Variants in LRP8 observed in about 807,000 individuals in gnomAD.
The protein encoded by LRP8 is low-density lipoprotein receptor-related protein 8.
In LRP8, 46 loss-of-function variants were observed where a neutral mutation model predicts 111.6. The observed-to-expected ratio is 0.41, with a 90% CI of 0.33 to 0.53. The LOEUF (loss-of-function observed/expected upper bound fraction) is 0.53. Among genes scored for constraint, LRP8 ranks in the 20% least tolerant of loss-of-function variants. The probability of loss-of-function intolerance (pLI) is 0.20; values close to 1 mark genes in which losing one functional copy is unlikely to be tolerated. For synonymous variants in LRP8, 464 were observed against 511.2 expected, an observed-to-expected ratio of 0.91 and a Z score of 1.24; for missense variants, 959 against 1,297.4, an observed-to-expected ratio of 0.74 and a Z score of 4.01.
chr1:53,297,056 A>G (rs907896853), intron 2 of LRP8, among the ~76,000 whole-genome samples: 2 of 151,212 alleles, frequency 1.3e-5, no homozygotes, highest in Non-Finnish European at 3.0e-5. Flanking sequence ...TCTGGGGTCC[A>G]GCAGCAATGG....
At chr1:53,322,276 C>T (rs1207551383) in intron 2 of LRP8, among the ~76,000 whole-genome samples, 2 of 152,196 alleles carry the variant, frequency 1.3e-5, no homozygotes, top group Non-Finnish European at 2.9e-5. Flanking sequence ...CCAGGTGTGT[C>T]TGAGTTGTGA....
At chr1:53,320,215 G>A (rs1001198644) in intron 2 of LRP8, among the ~76,000 whole-genome samples, 4 of 152,260 alleles carry the variant, frequency 2.6e-5, no homozygotes, top group African/African-American at 9.6e-5. Flanking sequence ...GGCCCAGTGG[G>A]GCCAGTGGTG....
At chr1:53,292,236 T>A (rs1455067880) in intron 2 of LRP8, 1 of 152,250 alleles carries the variant, frequency 6.6e-6, no homozygotes, top group Non-Finnish European at 1.5e-5. Flanking sequence ...TACATCTGCA[T>A]TCTAAGATGA....
chr1:53,251,222 G>A (rs757435147), intron 16 of LRP8, among the ~76,000 whole-genome samples: 3 of 151,960 alleles, frequency 2.0e-5, no homozygotes, highest in African/African-American at 4.8e-5. Flanking sequence ...AACTCTCTAC[G>A]CCCAGTTCCT....
rs961216226 is a variant in LRP8 at position 53,245,492 on chromosome 1, C to G, written c.*1526G>C. On this transcript the variant is annotated 3_prime_UTR_variant, in exon 19 of 19. Transcript: ENST00000306052. ...AAAAGAGCACTTCTCCCTTCCTCCC[C>G]CAAGGCCAAGAAAAGCAAAGAAGAT... is the stretch of plus-strand genomic sequence containing the variant. The G allele has an allele frequency of 1.3e-5, 2 of 152,154 alleles. No individual in the cohort carries two copies. Among genetic ancestry groups the G allele is most frequent in the Non-Finnish European group, 2.9e-5 (2 of 68,030 alleles). 9.4% of individuals were successfully genotyped at this position (152,154 alleles called of 1,614,324 possible). A position where few individuals can be genotyped will look rare whatever the true frequency, so the allele number is the denominator to read the frequency against.
intron 13 of LRP8, 81 bp from the exon 14 acceptor site, chr1:53,258,552 A>C (rs1646197694): frequency 7.5e-7 from 1 of 1,340,994 alleles, no homozygotes; most frequent in African/African-American, 1.5e-5. Flanking sequence ...GGCTTCTCCC[A>C]CCTGGCTTGC....
At chr1:53,315,290 G>T (rs534684871) in intron 2 of LRP8, among the ~76,000 whole-genome samples, 2 of 152,172 alleles carry the variant, frequency 1.3e-5, no homozygotes, top group Admixed American at 6.5e-5. Context: ...ACTCCACCCC[G>T]CAGTGCAGCA....
chr1:53,276,214 A>G (rs907325717), intron 5 of LRP8, among the ~76,000 whole-genome samples: 1 of 152,044 alleles, frequency 6.6e-6, no homozygotes, highest in African/African-American at 2.4e-5. Flanking sequence ...CAGGGTGCAG[A>G]GCAAGGGTGA....
At chr1:53,252,728 T>C (rs1368076590) in intron 16 of LRP8, among the ~76,000 whole-genome samples, 1 of 152,164 alleles carries the variant, frequency 6.6e-6, no homozygotes, top group Non-Finnish European at 1.5e-5. Flanking sequence ...GAAGCTTTAA[T>C]ATAATAAAAA....
intron 3 of LRP8, among the ~76,000 whole-genome samples, chr1:53,281,829 A>G (rs1346547920): frequency 6.6e-6 from 1 of 152,224 alleles, no homozygotes; most frequent in Non-Finnish European, 1.5e-5. Context: ...AGTGCTCACT[A>G]AATGTTACCT....
chr1:53,306,095 T>C (rs1484568019), intron 2 of LRP8: 1 of 152,280 alleles, frequency 6.6e-6, no homozygotes, highest in Non-Finnish European at 1.5e-5. Flanking sequence ...AGCCTCATCA[T>C]CCTGTGTTGG....
Position 53,327,864 on chromosome 1 carries a change from GCA to G in LRP8, c.47_48del (p.Leu16ProfsTer19). 1 of 1,508,136 alleles carries G rather than the reference GCA, an allele frequency of 6.6e-7. No individual in the cohort carries two copies. 93.4% of individuals were successfully genotyped at this position (1,508,136 alleles called of 1,614,324 possible). A position where few individuals can be genotyped will look rare whatever the true frequency, so the allele number is the denominator to read the frequency against. The part of the protein sequence containing the change: ...PGPLRLLALL[L>X]LLLLLLLLQL... ...TGCAGCAGCAGCAGCAGCAGCAGCAGCAGCAGCAGCGCCAGAAGCCGGAGAGG... is the reference window on the plus strand; with the variant it reads ...TGCAGCAGCAGCAGCAGCAGCAGCAGGCAGCAGCGCCAGAAGCCGGAGAGG... On this transcript the variant is annotated frameshift_variant, in exon 1 of 19. Coordinates refer to ENST00000306052, the MANE Select transcript of LRP8 (RefSeq NM_004631.5). LOFTEE classifies it high-confidence loss of function.
rs1392414739 is a variant in LRP8 at position 53,262,211 on chromosome 1, G to A, written c.1775-4C>T. The A allele has an allele frequency of 2.5e-6, 4 of 1,612,992 alleles. No homozygotes were observed. In the African/African-American group the frequency reaches 4.0e-5, roughly 16 times the overall value. ...TACAAGCGCTGGCTCAGCAGATCTT[G>A]GGAAGGAAGCAGGATCAGGTCATGA... is the stretch of plus-strand genomic sequence containing the variant. On this transcript the variant is annotated splice_polypyrimidine_tract_variant and splice_region_variant and intron_variant, in intron 11 of 18. Coordinates refer to ENST00000306052, the MANE Select transcript of LRP8 (RefSeq NM_004631.5). This position sits in a 1 kb window ranked among gnomAD's most constrained non-coding sequence, Gnocchi z 4.8.
intron 2 of LRP8, among the ~76,000 whole-genome samples, chr1:53,321,576 T>A (rs547628951): frequency 2.0e-5 from 3 of 152,162 alleles, no homozygotes; most frequent in Non-Finnish European, 2.9e-5. Flanking sequence ...TCTCTCTCTC[T>A]GGCTTCACCT....
intron 2 of LRP8, among the ~76,000 whole-genome samples, chr1:53,310,201 G>C (rs1010091852): frequency 2.5e-5 from 3 of 119,486 alleles, no homozygotes; most frequent in Non-Finnish European, 5.1e-5. Context: ...GGGAAGAGAC[G>C]GGCTGGGGCA....
At chr1:53,295,324 G>T (rs1355848980) in intron 2 of LRP8, among the ~76,000 whole-genome samples, 1 of 152,228 alleles carries the variant, frequency 6.6e-6, no homozygotes, top group African/African-American at 2.4e-5. Context: ...ACCATTAGGG[G>T]CTGGGGACAA....
rs137917952 is a variant in LRP8, at chr1:53,250,654, C to T, written c.2676+36G>A. On this transcript the variant is annotated intron_variant, in intron 17 of 18. Transcript: ENST00000306052. The surrounding 1 kb of genome is among the most constrained non-coding windows in gnomAD (Gnocchi z 4.6). ...AAGAAAGGATGGAAGGGAAGATGGT[C>T]GGAAGGTAGGAATTCTCCCAGTGAG... The T allele has an allele frequency of 4.4e-5, 70 of 1,587,360 alleles. 2 individuals carry two copies. The South Asian group carries it at 4.8e-4, about 11-fold the overall frequency.
At chr1:53,291,191 T>C (rs973987466) in intron 2 of LRP8, among the ~76,000 whole-genome samples, 2 of 152,126 alleles carry the variant, frequency 1.3e-5, no homozygotes, top group Non-Finnish European at 2.9e-5. Context: ...GGTGTGGTAG[T>C]TCGAGACCAG....
In LRP8 at chr1:53,275,895, GGCCA is replaced by G; in HGVS notation, c.884-146_884-143del. On this transcript the variant is annotated intron_variant, in intron 5 of 18. Coordinates refer to ENST00000306052, the MANE Select transcript of LRP8 (RefSeq NM_004631.5). This position sits in a 1 kb window ranked among gnomAD's most constrained non-coding sequence, Gnocchi z 4.4. ...ACTCAGGAGTCCTCAAAGGACACCT[GGCCA>G]AGGCACCTCAGTGTACAGATGGGGA... 6 of 1,032,666 alleles carry G rather than the reference GGCCA, an allele frequency of 5.8e-6. No homozygotes were observed. The highest frequency in any genetic ancestry group is 1.6e-5 in the African/African-American group (1 of 62,688). 64.0% of individuals were successfully genotyped at this position (1,032,666 alleles called of 1,614,324 possible).
Sources: gnomAD v4.1 joint callset for allele counts (sites outside exome capture counted in the v4.1 genomes callset) on GRCh38, gnomAD v4.1.1 for gene constraint, Gnocchi (gnomAD v3.1) non-coding constraint, MANE v1.5 for transcripts, NCBI Gene and HGNC (gene_info 2026-07-23, HGNC 2026-07-21) for gene names.